Variants in PBX4 observed in about 807,000 individuals in gnomAD.
PBX4 encodes the protein PBX homeobox 4.
PBX4 carries 26 observed loss-of-function variants against 35.1 expected under a neutral mutation model. The ratio of observed to expected loss-of-function variants is 0.74; its 90% CI spans 0.54 to 1.03. The LOEUF (loss-of-function observed/expected upper bound fraction) is 1.03, where lower values mean the gene tolerates loss of function less well. PBX4 is among the 50% of genes least tolerant of loss of function. The probability of loss-of-function intolerance (pLI) is 0.00; values close to 1 mark genes in which losing one functional copy is unlikely to be tolerated. For synonymous variants in PBX4, 199 were observed against 204.2 expected (o/e 0.97, Z 0.22); for missense variants, 448 against 504.3 (o/e 0.89, Z 1.07).
rs2061320531 is a variant in PBX4 at position 19,563,420 on chromosome 19, G to A, written c.1032+89C>T. 1.8e-6 allele frequency: 2 copies of A among 1,081,606 alleles called. No homozygotes were observed. The highest frequency in any genetic ancestry group is 2.6e-6 in the Non-Finnish European group (2 of 759,528). The allele number at this position is 1,081,606 out of a possible 1,614,324, so 67.0% of individuals were successfully genotyped here. The stretch of plus-strand genomic sequence containing the variant: ...GGCTGCTGGGACCTCTGGGGAAGCT[G>A]CCCCAAGGCCGAGGGGTGGCTGACA... On this transcript the variant is annotated intron_variant, in intron 7 of 7. Coordinates refer to ENST00000251203, the MANE Select transcript of PBX4 (RefSeq NM_025245.3). The surrounding 1 kb of genome is among the most constrained non-coding windows in gnomAD (Gnocchi z 5.1).
rs1336136123 is a variant in PBX4 at position 19,562,436 on chromosome 19, A to G, written c.1033-319T>C. On this transcript the variant is annotated intron_variant, in intron 7 of 7. Transcript: ENST00000251203. This position sits in a 1 kb window ranked among gnomAD's most constrained non-coding sequence, Gnocchi z 4.8. ...CTGCCCGGCGAGGGGCAGGGAGGCA[A>G]GGTCAGGCCTGGAGCCCATGATGAC... Among the ~76,000 whole-genome samples, 1 of 152,120 alleles carries G rather than the reference A, an allele frequency of 6.6e-6. No homozygotes were observed. The highest frequency in any genetic ancestry group is 6.5e-5 in the Admixed American group (1 of 15,278).
chr19:19,572,720 GTCGA>G (rs2061392110), intron 2 of PBX4, among the ~76,000 whole-genome samples: 1 of 151,682 alleles, frequency 6.6e-6, no homozygotes, highest in Non-Finnish European at 1.5e-5. Flanking sequence ...CGGGCATGGT[GTCGA>G]GTGTCTGTAA....
At chr19:19,586,703 T>C (rs1344858824) in intron 2 of PBX4, among the ~76,000 whole-genome samples, 2 of 151,980 alleles carry the variant, frequency 1.3e-5, no homozygotes, top group African/African-American at 2.4e-5. Context: ...CCCAGCACTT[T>C]GGGAGGCCAC....
intron 2 of PBX4, among the ~76,000 whole-genome samples, chr19:19,583,422 GC>G (rs2061468172): frequency 1.3e-5 from 2 of 151,926 alleles, no homozygotes; most frequent in African/African-American, 2.4e-5. Context: ...AGCAGCCTGG[GC>G]AACATAGCAA....
intron 1 of PBX4, 56 bp from the exon 2 acceptor site, chr19:19,599,421 C>T: frequency 6.8e-7 from 1 of 1,462,140 alleles, no homozygotes; most frequent in Admixed American, 1.7e-5. Context: ...CATCTTGTCC[C>T]CAAGAGTAAA....
At chr19:19,564,750 G>T in intron 6 of PBX4, 183 bp downstream of exon 6, 2 of 715,884 alleles carry the variant, frequency 2.8e-6, no homozygotes, top group Non-Finnish European at 4.6e-6. Flanking sequence ...CAAAGCACAG[G>T]TATCTGTTGG....
Position 19,565,028 on chromosome 19 carries a change from T to C in PBX4, c.830A>G (p.Glu277Gly). ...RYKKNMGKFQ[E>G]EATIYTGKTA... ...TTTACCCGTGTAAATGGTAGCCTCT[T>C]CTTGAAACTTCCCCATGTTCTTTTT... Residue 277 changes from glutamate to glycine, a missense_variant, in exon 6 of 8, where the codon GAA becomes GGA. Coordinates refer to ENST00000251203, the MANE Select transcript of PBX4 (RefSeq NM_025245.3). The C allele has an allele frequency of 6.2e-7, 1 of 1,614,224 alleles. No homozygotes were observed. Among genetic ancestry groups the C allele is most frequent in the South Asian group, 1.1e-5 (1 of 91,088 alleles).
At chr19:19,602,769 G>A (rs922872270) in intron 1 of PBX4, among the ~76,000 whole-genome samples, 5 of 152,006 alleles carry the variant, frequency 3.3e-5, no homozygotes, top group African/African-American at 7.3e-5. Flanking sequence ...ACATTGTGGG[G>A]CTTGGAGTGA....
At chr19:19,596,663 T>C (rs1429010732) in intron 2 of PBX4, among the ~76,000 whole-genome samples, 1 of 151,930 alleles carries the variant, frequency 6.6e-6, no homozygotes, top group Non-Finnish European at 1.5e-5. Context: ...ATGAGCCTGG[T>C]TGGGCACAGT....
At chr19:19,564,251 T>C (rs1444346007) in intron 6 of PBX4, among the ~76,000 whole-genome samples, 3 of 150,426 alleles carry the variant, frequency 2.0e-5, no homozygotes, top group Non-Finnish European at 3.0e-5. Flanking sequence ...TGTTTGGTTT[T>C]TTGTTCTTGC....
At chr19:19,613,235 G>A (rs1208317402) in intron 1 of PBX4, among the ~76,000 whole-genome samples, 1 of 151,634 alleles carries the variant, frequency 6.6e-6, no homozygotes, top group Non-Finnish European at 1.5e-5. Flanking sequence ...GGAGGCCGAG[G>A]TGGGAGGATC....
intron 2 of PBX4, among the ~76,000 whole-genome samples, chr19:19,577,462 G>A (rs1383208231): frequency 6.6e-6 from 1 of 152,196 alleles, no homozygotes; most frequent in Non-Finnish European, 1.5e-5. Context: ...ATGTGCATGA[G>A]TTTGGGCACA....
chr19:19,597,075 G>A (rs934835782), intron 2 of PBX4, among the ~76,000 whole-genome samples: 7 of 152,174 alleles, frequency 4.6e-5, no homozygotes, highest in Non-Finnish European at 7.4e-5. Flanking sequence ...TTAGCTGGGT[G>A]TGGTGGCAGG....
At chr19:19,599,723 A>G (rs1208098430) in intron 1 of PBX4, among the ~76,000 whole-genome samples, 1 of 152,302 alleles carries the variant, frequency 6.6e-6, no homozygotes, top group East Asian at 1.9e-4. Context: ...CTATAATCCC[A>G]GAACTTTGGG....
At chr19:19,598,674 A>G (rs2061575643) in intron 2 of PBX4, among the ~76,000 whole-genome samples, 1 of 152,180 alleles carries the variant, frequency 6.6e-6, no homozygotes, top group African/African-American at 2.4e-5. Flanking sequence ...AGCACCTCTT[A>G]GGTCTTCGAC....
chr19:19,568,223 C>T (rs1271811171), intron 5 of PBX4, among the ~76,000 whole-genome samples: 4 of 147,868 alleles, frequency 2.7e-5, no homozygotes, highest in African/African-American at 1.0e-4. Flanking sequence ...AGGGAGCTCA[C>T]ACTCCATCTG....
chr19:19,594,095 A>T (rs557142423), intron 2 of PBX4, among the ~76,000 whole-genome samples: 50 of 148,498 alleles, frequency 3.4e-4, no homozygotes, highest in Admixed American at 2.3e-3. Context: ...AAAAAAAAAA[A>T]AAAATAAAAA....
chr19:19,599,466 T>A, intron 1 of PBX4, 101 bp from the exon 2 acceptor site: 1 of 933,146 alleles, frequency 1.1e-6, no homozygotes, highest in Non-Finnish European at 1.7e-6. Flanking sequence ...CCAAACGAGA[T>A]CTGCCACTCT....
chr19:19,584,626 T>G (rs1568386785), intron 2 of PBX4, among the ~76,000 whole-genome samples: 1 of 149,028 alleles, frequency 6.7e-6, no homozygotes, highest in Non-Finnish European at 1.5e-5. Context: ...AGGGCTGGTT[T>G]TTTTTTTTTT....
Sources: allele counts gnomAD v4.1 joint callset (sites outside exome capture counted in the v4.1 genomes callset), GRCh38; gene constraint gnomAD v4.1.1; non-coding constraint Gnocchi (gnomAD v3.1); transcripts MANE v1.5; gene names NCBI Gene and HGNC (gene_info 2026-07-23, HGNC 2026-07-21).